The following CTNNA3 variants were observed in gnomAD, a reference collection of about 807,000 sequenced individuals.
CTNNA3 encodes catenin alpha 3.
Under a neutral mutation model 95.7 loss-of-function variants are expected in CTNNA3, and 76 were observed. The observed-to-expected ratio is 0.79, with a 90% confidence interval of 0.66 to 0.96. The LOEUF is 0.96. Ranked by LOEUF, CTNNA3 falls within the 40% of genes least tolerant of loss-of-function variation. CTNNA3 has a pLI of 0.00. For synonymous variants in CTNNA3, 431 were observed against 374.4 expected (o/e 1.15, Z -1.74); for missense variants, 1,191 against 1,089.8 (o/e 1.09, Z -1.31).
intron 5 of CTNNA3, among the ~76,000 whole-genome samples, chr10:67,419,027 T>C (rs1417441503): frequency 6.6e-6 from 1 of 152,178 alleles, no homozygotes; most frequent in East Asian, 1.9e-4. Flanking sequence ...ACAGTATGCA[T>C]ATTTATATTT....
chr10:65,982,107 A>G (rs916374412), intron 16 of CTNNA3, among the ~76,000 whole-genome samples: 4 of 151,790 alleles, frequency 2.6e-5, no homozygotes, highest in Non-Finnish European at 1.5e-5. Flanking sequence ...CATCTGACAA[A>G]AGACTCATAT....
At chr10:67,121,946 T>C (rs1859483853) in intron 7 of CTNNA3, among the ~76,000 whole-genome samples, 1 of 145,232 alleles carries the variant, frequency 6.9e-6, no homozygotes, top group African/African-American at 2.6e-5. Flanking sequence ...ACTAATTTAA[T>C]TGTGTAGCAC....
rs180939916 is a variant in CTNNA3, at chr10:66,681,123, C to T, written c.1282-59339G>A. On this transcript the variant is annotated intron_variant, in intron 9 of 17. Coordinates refer to ENST00000433211, the MANE Select transcript of CTNNA3 (RefSeq NM_013266.4). ...AAGCATTTGGATGCATATTTATTGA[C>T]TGATGTATCGGATGTGATGTGATGT... is the stretch of plus-strand genomic sequence containing the variant. 3.2e-3 allele frequency among the ~76,000 whole-genome samples: 483 copies of T among 152,282 alleles called. 2 individuals carry two copies. The highest frequency in any genetic ancestry group is 4.8e-3 in the Non-Finnish European group (328 of 68,024).
intron 7 of CTNNA3, among the ~76,000 whole-genome samples, chr10:66,957,397 T>C (rs1589490356): frequency 2.7e-5 from 1 of 36,834 alleles, no homozygotes; most frequent in East Asian, 5.0e-4. Flanking sequence ...TATATACATA[T>C]ATATATATAT....
At chr10:66,067,722 C>A (rs1455275825) in intron 15 of CTNNA3, among the ~76,000 whole-genome samples, 1 of 151,946 alleles carries the variant, frequency 6.6e-6, no homozygotes, top group African/African-American at 2.4e-5. Flanking sequence ...TTGAGACCAG[C>A]CACACCAATA....
intron 7 of CTNNA3, among the ~76,000 whole-genome samples, chr10:66,939,744 A>G (rs1847897661): frequency 6.6e-6 from 1 of 152,194 alleles, no homozygotes; most frequent in Non-Finnish European, 1.5e-5. Context: ...AACATACGTG[A>G]TAAACAAATT....
chr10:67,602,145 G>A (rs954597248), intron 3 of CTNNA3, among the ~76,000 whole-genome samples: 4 of 150,354 alleles, frequency 2.7e-5, no homozygotes, highest in Non-Finnish European at 4.4e-5. Context: ...AACCTTATTA[G>A]TTGTTCTTCA....
intron 7 of CTNNA3, among the ~76,000 whole-genome samples, chr10:67,121,118 A>AC (rs985450370): frequency 2.0e-5 from 3 of 152,040 alleles, no homozygotes; most frequent in Non-Finnish European, 4.4e-5. Context: ...TCTGTTCTAA[A>AC]TTTTTAAACT....
intron 13 of CTNNA3, among the ~76,000 whole-genome samples, chr10:66,226,835 G>T (rs930661577): frequency 2.0e-5 from 3 of 151,596 alleles, no homozygotes; most frequent in African/African-American, 4.8e-5. Flanking sequence ...AAACATAATT[G>T]CTTTCTTAAT....
At chr10:66,665,973 G>A (rs7893453) in intron 9 of CTNNA3, among the ~76,000 whole-genome samples, 6,919 of 152,096 alleles carry the variant, frequency 0.045, 523 homozygotes, top group African/African-American at 0.16. Flanking sequence ...CAATAGGAAC[G>A]AAGTTTTCCT....
At chr10:66,112,171 A>G (rs1168212834) in intron 13 of CTNNA3, among the ~76,000 whole-genome samples, 3 of 152,104 alleles carry the variant, frequency 2.0e-5, no homozygotes, top group Non-Finnish European at 4.4e-5. Context: ...CTGAATACAC[A>G]TATCTTTCTG....
At chr10:67,144,277 T>G (rs1860738340) in intron 7 of CTNNA3, among the ~76,000 whole-genome samples, 1 of 152,222 alleles carries the variant, frequency 6.6e-6, no homozygotes, top group African/African-American at 2.4e-5. Context: ...CAGTGTGGGT[T>G]TAGCATAATT....
intron 7 of CTNNA3, among the ~76,000 whole-genome samples, chr10:66,989,234 A>AG (rs1850904427): frequency 6.6e-6 from 1 of 151,974 alleles, no homozygotes; most frequent in African/African-American, 2.4e-5. Flanking sequence ...GGGCCCTCCT[A>AG]GGGGTCAATA....
chr10:67,114,569 A>G lies in CTNNA3; in HGVS notation c.1047+65748T>C, dbSNP rs1859074011. ...TTGTTATACTATAAATATGGATGTA[A>G]CTGTACCTACATAACTACCAGCACA... is the stretch of plus-strand genomic sequence containing the variant. On this transcript the variant is annotated intron_variant, in intron 7 of 17. Transcript: ENST00000433211. 3.3e-5 allele frequency among the ~76,000 whole-genome samples: 5 copies of G among 152,282 alleles called. No homozygotes were observed. In the South Asian group the frequency reaches 1.0e-3, roughly 32 times the overall value.
intron 11 of CTNNA3, among the ~76,000 whole-genome samples, chr10:66,450,769 C>G (rs1288745155): frequency 6.6e-6 from 1 of 152,020 alleles, no homozygotes; most frequent in Non-Finnish European, 1.5e-5. Context: ...TTACTTTGCT[C>G]CAACTTATTA....
intron 1 of CTNNA3, among the ~76,000 whole-genome samples, chr10:67,726,913 C>T (rs558038615): frequency 0.036 from 4,006 of 110,514 alleles, 81 homozygotes; most frequent in Middle Eastern, 0.09. Flanking sequence ...ACATTATATA[C>T]ATATGATATA....
chr10:67,511,345 C>G (rs1364069981), intron 5 of CTNNA3, among the ~76,000 whole-genome samples: 1 of 152,104 alleles, frequency 6.6e-6, no homozygotes, highest in African/African-American at 2.4e-5. Flanking sequence ...TCATAAATAG[C>G]TGTTATTATT....
intron 17 of CTNNA3, among the ~76,000 whole-genome samples, chr10:65,959,011 C>T (rs1490125822): frequency 6.6e-6 from 1 of 152,222 alleles, no homozygotes; most frequent in African/African-American, 2.4e-5. Flanking sequence ...CAGAGGCAGG[C>T]AGGCTTCCTT....
At chr10:67,302,723 T>C (rs1589143710) in intron 5 of CTNNA3, among the ~76,000 whole-genome samples, 2 of 152,196 alleles carry the variant, frequency 1.3e-5, no homozygotes, top group South Asian at 4.1e-4. Flanking sequence ...TGTCCCATTT[T>C]CTTCCGCTGT....
Sources: allele counts gnomAD v4.1 joint callset (sites outside exome capture counted in the v4.1 genomes callset), GRCh38; gene constraint gnomAD v4.1.1; transcripts MANE v1.5; gene names NCBI Gene and HGNC (gene_info 2026-07-23, HGNC 2026-07-21).